The following NIPBL variants were observed in gnomAD, a reference collection of about 807,000 sequenced individuals.
The protein encoded by NIPBL is nipped-B-like protein.
Under a neutral mutation model 321.8 loss-of-function variants are expected in NIPBL, and 19 were observed. That is an observed-to-expected ratio of 0.06 (90% CI 0.04 to 0.09). NIPBL has a LOEUF of 0.09. Ranked by LOEUF, NIPBL falls within the 10% of genes least tolerant of loss-of-function variation. The pLI is 1.00. For synonymous variants in NIPBL, 1,106 were observed against 1,114.1 expected (o/e 0.99, Z 0.14); for missense variants, 2,210 against 3,327.0 (o/e 0.66, Z 8.26).
chr5:37,037,505 C>T (rs1199955388), intron 33 of NIPBL, among the ~76,000 whole-genome samples: 1 of 150,124 alleles, frequency 6.7e-6, no homozygotes, highest in Non-Finnish European at 1.5e-5. Flanking sequence ...CCATCTAATG[C>T]ACATTAATGA....
At chr5:36,942,167 T>C (rs1299443197) in intron 1 of NIPBL, among the ~76,000 whole-genome samples, 9 of 152,110 alleles carry the variant, frequency 5.9e-5, no homozygotes, top group Non-Finnish European at 1.3e-4. Context: ...GTGCAGTGGC[T>C]CATGCCTATA....
rs370709104 is a variant in NIPBL, at chr5:37,046,208, A to G, written c.6589+9A>G. On this transcript the variant is annotated intron_variant, in intron 38 of 46. Coordinates refer to ENST00000282516, the MANE Select transcript of NIPBL (RefSeq NM_133433.4). The stretch of plus-strand genomic sequence containing the variant: ...AGCTATCATTGGTCTAGGTAAGTCT[A>G]AATTTCTTTATAATTTGTAGCTATT... The G allele has an allele frequency of 1.4e-6, 2 of 1,450,342 alleles. No individual in the cohort carries two copies. The highest frequency in any genetic ancestry group is 2.3e-5 in the South Asian group (2 of 87,550). The allele number at this position is 1,450,342 out of a possible 1,614,324, so 89.8% of individuals were successfully genotyped here.
At chr5:36,945,324 A>C (rs186103205) in intron 1 of NIPBL, among the ~76,000 whole-genome samples, 110 of 152,266 alleles carry the variant, frequency 7.2e-4, no homozygotes, top group African/African-American at 2.4e-3. Flanking sequence ...GGGACTATTT[A>C]AAGTTATGTG....
chr5:36,935,430 CA>C (rs1451760915), intron 1 of NIPBL, among the ~76,000 whole-genome samples: 1 of 152,096 alleles, frequency 6.6e-6, no homozygotes, highest in East Asian at 1.9e-4. Context: ...TCTAAGTCAC[CA>C]GTAACTTGCA....
At position 36,962,249 on chromosome 5, in the gene NIPBL, C is replaced by T. The variant is rs80358360; in HGVS notation, c.585C>T (p.Tyr195=). The T allele has an allele frequency of 7.0e-5, 113 of 1,613,984 alleles. No individual in the cohort carries two copies. Among genetic ancestry groups the T allele is most frequent in the Non-Finnish European group, 9.5e-5 (112 of 1,179,962 alleles). The change falls in exon 6 of 47, where the codon TAC becomes TAT. Residue 195 remains tyrosine (Y), a synonymous_variant. Transcript: ENST00000282516. ...GYMPYSHPSS[Y]TTHPQMQQAS... ...TGCCATATTCCCATCCTTCAAGTTA[C>T]ACAACACATCCACAGATGCAACAAG...
chr5:37,034,900 A>G (rs998135630), intron 32 of NIPBL, among the ~76,000 whole-genome samples: 5 of 152,226 alleles, frequency 3.3e-5, no homozygotes, highest in Admixed American at 1.3e-4. Flanking sequence ...GTCAAAATTT[A>G]TGATTAATTC....
At chr5:37,029,073 C>G (rs1233391500) in intron 32 of NIPBL, among the ~76,000 whole-genome samples, 1 of 152,046 alleles carries the variant, frequency 6.6e-6, no homozygotes, top group Admixed American at 6.6e-5. Flanking sequence ...AGACAAATAC[C>G]TCATAGGTGG....
At chr5:37,051,749 A>G (rs746652796) in intron 40 of NIPBL, 30 bp from the exon 41 acceptor site, 3 of 1,464,020 alleles carry the variant, frequency 2.0e-6, no homozygotes, top group Non-Finnish European at 2.9e-6. Flanking sequence ...TACTACCATG[A>G]TATCTCGTAA....
intron 9 of NIPBL, among the ~76,000 whole-genome samples, chr5:36,979,040 CT>C (rs934217295): frequency 6.6e-6 from 1 of 151,764 alleles, no homozygotes; most frequent in Non-Finnish European, 1.5e-5. Flanking sequence ...CAGCTTTATT[CT>C]TTTTGCTGAG....
intron 34 of NIPBL, among the ~76,000 whole-genome samples, chr5:37,040,865 A>G (rs1752263152): frequency 6.6e-6 from 1 of 152,218 alleles, no homozygotes; most frequent in Non-Finnish European, 1.5e-5. Context: ...TGCCAGTCTA[A>G]CAGGTGGTAA....
chr5:36,944,383 C>T (rs962131085), intron 1 of NIPBL, among the ~76,000 whole-genome samples: 5 of 151,938 alleles, frequency 3.3e-5, no homozygotes, highest in African/African-American at 4.8e-5. Context: ...AATGATCTTA[C>T]CTATTGGGAG....
intron 1 of NIPBL, among the ~76,000 whole-genome samples, chr5:36,912,424 G>A (rs575742119): frequency 6.6e-6 from 1 of 152,114 alleles, no homozygotes; most frequent in South Asian, 2.1e-4. Context: ...TTTATGGAGC[G>A]GTCAGTCTGA....
intron 44 of NIPBL, 37 bp downstream of exon 44, chr5:37,059,202 T>C: frequency 1.9e-6 from 3 of 1,606,416 alleles, no homozygotes; most frequent in Non-Finnish European, 2.6e-6. Context: ...AAAACTTCAC[T>C]CTGTTCAAAT....
At chr5:37,008,347 C>A (rs1325665162) in intron 19 of NIPBL, among the ~76,000 whole-genome samples, 2 of 151,818 alleles carry the variant, frequency 1.3e-5, no homozygotes, top group African/African-American at 2.4e-5. Flanking sequence ...CTAATAATTC[C>A]TTGATATTTA....
At chr5:37,008,517 A>C (rs1361380196) in intron 19 of NIPBL, 106 bp from the exon 20 acceptor site, 1 of 707,146 alleles carries the variant, frequency 1.4e-6, no homozygotes, top group Non-Finnish European at 2.6e-6. Flanking sequence ...AGATACTGAA[A>C]ACATTTTCAT....
intron 1 of NIPBL, among the ~76,000 whole-genome samples, chr5:36,900,469 A>G (rs1747116047): frequency 6.6e-6 from 1 of 152,126 alleles, no homozygotes; most frequent in Non-Finnish European, 1.5e-5. Flanking sequence ...TAGGAAACTG[A>G]TGCTTACAAA....
At chr5:36,890,617 T>C (rs1746251209) in intron 1 of NIPBL, among the ~76,000 whole-genome samples, 1 of 152,240 alleles carries the variant, frequency 6.6e-6, no homozygotes, top group Non-Finnish European at 1.5e-5. Context: ...AAAATTAGCA[T>C]GGGATCTAAA....
chr5:36,961,288 T>C (rs1741593249), intron 4 of NIPBL, among the ~76,000 whole-genome samples, 196 bp from the exon 5 acceptor site: 1 of 152,148 alleles, frequency 6.6e-6, no homozygotes, highest in Admixed American at 6.6e-5. Flanking sequence ...CCTGGATTAG[T>C]TTTATGGAAA....
intron 31 of NIPBL, 43 bp downstream of exon 31, chr5:37,026,370 AC>A (rs1561178811): frequency 8.6e-7 from 1 of 1,157,876 alleles, no homozygotes; most frequent in Non-Finnish European, 1.3e-6. Flanking sequence ...GTTGATCCAG[AC>A]CTAATTGAGG....
Sources: allele counts gnomAD v4.1 joint callset (sites outside exome capture counted in the v4.1 genomes callset), GRCh38; gene constraint gnomAD v4.1.1; transcripts MANE v1.5; gene names NCBI Gene and HGNC (gene_info 2026-07-23, HGNC 2026-07-21).